AMHR2: variants seen among roughly 807,000 people sequenced by gnomAD.
AMHR2 encodes the protein anti-Mullerian hormone receptor type 2, also known as anti-Muellerian hormone type-2 receptor.
AMHR2 carries 36 observed loss-of-function variants against 61.4 expected under a neutral mutation model. The ratio of observed to expected loss-of-function variants is 0.59; its 90% CI spans 0.45 to 0.77. The LOEUF is 0.77. Among genes scored for constraint, AMHR2 ranks in the 30% least tolerant of loss-of-function variants. The probability of loss-of-function intolerance (pLI) is 0.00; values close to 1 mark genes in which losing one functional copy is unlikely to be tolerated. For missense variants in AMHR2, 638 were observed against 714.6 expected, an observed-to-expected ratio of 0.89 and a Z score of 1.22; for synonymous variants, 258 against 279.4, an observed-to-expected ratio of 0.92 and a Z score of 0.76.
chr12:53,429,444 C>A lies in AMHR2; in HGVS notation c.968-9C>A, dbSNP rs753545090. 7 of 1,610,192 alleles carry A rather than the reference C, an allele frequency of 4.3e-6. No individual in the cohort carries two copies. The highest frequency in any genetic ancestry group is 1.7e-4 in the Middle Eastern group (1 of 6,056). ...ATCCATGTTCCTTCAACCTTGGATT[C>A]CCCCACAGGCCAATATAAACCAGGT... On this transcript the variant is annotated splice_polypyrimidine_tract_variant and intron_variant, in intron 7 of 10. Coordinates refer to ENST00000257863, the MANE Select transcript of AMHR2 (RefSeq NM_020547.3).
At chr12:53,430,695 A>T (rs891548490) in intron 10 of AMHR2, 9 of 360,128 alleles carry the variant, frequency 2.5e-5, no homozygotes, top group South Asian at 2.3e-4. Flanking sequence ...TACATTGATG[A>T]TGTTTCTGCT....
In AMHR2 at chr12:53,429,893, G is replaced by A; in HGVS notation, c.1203G>A (p.Trp401Ter). 1 of 1,614,164 alleles carries A rather than the reference G, an allele frequency of 6.2e-7. No individual in the cohort carries two copies. The highest frequency in any genetic ancestry group is 8.5e-7 in the Non-Finnish European group (1 of 1,180,030). Residue 401 changes from tryptophan to a stop codon, truncating the protein, a stop_gained, in exon 9 of 11, where the codon TGG becomes TGA. Transcript: ENST00000257863. LOFTEE classifies it high-confidence loss of function. ...ACAAGACTCTGGACCTACAGGATTG[G>A]GGCATGGCCCTCCGACGAGCTGATA... ...LLDKTLDLQD[W>*]GMALRRADIY...
Position 53,429,896 on chromosome 12 carries a change from C to G in AMHR2, c.1206C>G (p.Gly402=). 1 of 1,614,222 alleles carries G rather than the reference C, an allele frequency of 6.2e-7. No individual in the cohort carries two copies. The highest frequency in any genetic ancestry group is 1.1e-5 in the South Asian group (1 of 91,084). ...AGACTCTGGACCTACAGGATTGGGG[C>G]ATGGCCCTCCGACGAGCTGATATTT... ...LDKTLDLQDW[G]MALRRADIYS... Residue 402 remains glycine, a synonymous_variant, in exon 9 of 11, where the codon GGC becomes GGG. Coordinates refer to ENST00000257863, the MANE Select transcript of AMHR2 (RefSeq NM_020547.3).
chr12:53,429,993 T>C lies in AMHR2; in HGVS notation c.1288+15T>C, dbSNP rs1253372080. On this transcript the variant is annotated intron_variant, in intron 9 of 10. Coordinates refer to ENST00000257863, the MANE Select transcript of AMHR2 (RefSeq NM_020547.3). ...TTTGAGGCCTGGTAAGGATGGGTGGTACAGTCCCCTCTCCTGGGCTCCCCC... is the reference window on the plus strand; with the variant it reads ...TTTGAGGCCTGGTAAGGATGGGTGGCACAGTCCCCTCTCCTGGGCTCCCCC... The C allele has an allele frequency of 6.2e-7, 1 of 1,614,140 alleles. No homozygotes were observed.
In AMHR2 at chr12:53,424,365, C is replaced by A. The variant is rs1565829801; in HGVS notation, c.127C>A (p.Leu43Ile). The change falls in exon 2 of 11, where the codon CTA becomes ATA. Residue 43 changes from leucine (L) to isoleucine (I), a missense_variant. Transcript: ENST00000257863. ...AAGCACAAAGACACTGGGAGAGCTG[C>A]TAGATACAGGCACAGAGCTCCCCAG... is the stretch of plus-strand genomic sequence containing the variant. Reference protein sequence around the residue: ...RGSTKTLGELLDTGTELPRAI... With the variant: ...RGSTKTLGELIDTGTELPRAI... 6.2e-7 allele frequency: 1 copy of A among 1,613,588 alleles called. No individual in the cohort carries two copies. The highest frequency in any genetic ancestry group is 1.1e-5 in the South Asian group (1 of 91,040).
Position 53,430,341 on chromosome 12 carries a change from C to T in AMHR2, c.1425+59C>T. 3 of 1,613,086 alleles carry T rather than the reference C, an allele frequency of 1.9e-6. No individual in the cohort carries two copies. In the Admixed American group the frequency reaches 5.0e-5, roughly 27 times the overall value. The stretch of plus-strand genomic sequence containing the variant: ...GAGAGTGGGGGCTGGGCATGGGCTT[C>T]AAGGACGTCTCTGCCAGAGTGTCTG... On this transcript the variant is annotated intron_variant, in intron 10 of 10. Transcript: ENST00000257863.
intron 6 of AMHR2, 139 bp downstream of exon 6, chr12:53,426,058 AG>A: frequency 1.0e-6 from 1 of 982,326 alleles, no homozygotes; most frequent in East Asian, 2.6e-5. Flanking sequence ...TGGCCAGGCG[AG>A]GTGGCCCACA....
At chr12:53,425,619 G>C (rs1219898839) in intron 5 of AMHR2, 46 bp downstream of exon 5, 2 of 1,612,802 alleles carry the variant, frequency 1.2e-6, no homozygotes, top group Non-Finnish European at 8.5e-7. Context: ...ACTCCTGGAG[G>C]TTGTGCTGGG....
intron 6 of AMHR2, among the ~76,000 whole-genome samples, chr12:53,427,843 C>T (rs1029186176): frequency 5.9e-5 from 9 of 152,308 alleles, no homozygotes; most frequent in African/African-American, 1.9e-4. Flanking sequence ...TCCTCATCAT[C>T]GTGTCTATTG....
intron 6 of AMHR2, among the ~76,000 whole-genome samples, chr12:53,427,268 C>A (rs1316810215): frequency 6.6e-6 from 1 of 152,166 alleles, no homozygotes; most frequent in Non-Finnish European, 1.5e-5. Context: ...CAATGAGCAA[C>A]AAGAAGAGGA....
In AMHR2 at chr12:53,431,316, C is replaced by T; in HGVS notation, c.1565C>T (p.Pro522Leu). Reference protein sequence around the residue: ...QESHPFPESCPRGCPPLCPED... With the variant: ...QESHPFPESCLRGCPPLCPED... ...AGCCACCCCTTTCCAGAGAGCTGTC[C>T]ACGTGGCTGCCCACCTCTCTGCCCA... Residue 522 changes from proline to leucine, a missense_variant, in exon 11 of 11, where the codon CCA becomes CTA. Transcript: ENST00000257863. The T allele has an allele frequency of 6.2e-7, 1 of 1,614,210 alleles. No individual in the cohort carries two copies. Among genetic ancestry groups the T allele is most frequent in the Non-Finnish European group, 8.5e-7 (1 of 1,180,046 alleles).
Position 53,425,803 on chromosome 12 carries a change from T to C in AMHR2, c.736T>C (p.Leu246=), listed in dbSNP as rs760877575. The stretch of plus-strand genomic sequence containing the variant: ...GGCTCAGTTCCAAGCTGAGAGAGCA[T>C]TGTACGAACTTCCAGGCCTACAGCA... ...SVAQFQAERA[L]YELPGLQHDH... is the part of the protein sequence containing the mutation. Residue 246 remains leucine (L), a synonymous_variant, in exon 6 of 11, where the codon TTG becomes CTG. Transcript: ENST00000257863. 5 of 1,614,002 alleles carry C rather than the reference T, an allele frequency of 3.1e-6. No individual in the cohort carries two copies. The highest frequency in any genetic ancestry group is 3.3e-5 in the Admixed American group (2 of 60,000).
Position 53,425,242 on chromosome 12 carries a change from G to C in AMHR2, c.502G>C (p.Ala168Pro), listed in dbSNP as rs374601719. 1 of 1,613,308 alleles carries C rather than the reference G, an allele frequency of 6.2e-7. No homozygotes were observed. The highest frequency in any genetic ancestry group is 8.5e-7 in the Non-Finnish European group (1 of 1,179,982). The change falls in exon 4 of 11, where the codon GCC becomes CCC. Residue 168 changes from alanine to proline, a missense_variant and splice_region_variant. Ala to Pro is a conservative substitution (Grantham distance 27, BLOSUM62 -1). Transcript: ENST00000257863. ...LLLLLGSIIL[A>P]LLQRKNYRVR... ...GCTGCTGCTGGGCAGCATCATCTTG[G>C]GTACTAATCCACCCCATCCCTCCCT... is the stretch of plus-strand genomic sequence containing the variant.
intron 10 of AMHR2, chr12:53,430,596 T>G (rs1288648085): frequency 2.1e-6 from 1 of 477,700 alleles, no homozygotes; most frequent in Non-Finnish European, 3.9e-6. Context: ...AAGCCCTCCT[T>G]GGCTTTGCTC....
At chr12:53,425,316 C>T (rs529627721) in intron 4 of AMHR2, 74 bp downstream of exon 4, 1 of 1,608,304 alleles carries the variant, frequency 6.2e-7, no homozygotes, top group Non-Finnish European at 8.5e-7. Flanking sequence ...CTCCAGGCAC[C>T]CCTGACCCCA....
chr12:53,425,069 TG>T (rs1939434930), intron 3 of AMHR2, 95 bp from the exon 4 acceptor site: 4 of 1,595,934 alleles, frequency 2.5e-6, no homozygotes, highest in Non-Finnish European at 2.6e-6. Context: ...GTGACCAGGG[TG>T]GGGGTGGGTT....
Position 53,425,568 on chromosome 12 carries a change from T to G in AMHR2, c.616T>G (p.Ser206Ala), listed in dbSNP as rs1425062469. 1 of 1,613,900 alleles carries G rather than the reference T, an allele frequency of 6.2e-7. No homozygotes were observed. Residue 206 changes from serine (S) to alanine (A), a missense_variant, in exon 5 of 11, where the codon TCC (serine) becomes GCC (alanine). Transcript: ENST00000257863. ...GCAGGAGCTGCCTGAGCTGTGTTTC[T>G]CCCAGGTGCCCCAGGGAGGGAGAGA... ...ELQELPELCF[S>A]QVIREGGHAV...
At chr12:53,427,759 T>C (rs1366376097) in intron 6 of AMHR2, among the ~76,000 whole-genome samples, 1 of 152,176 alleles carries the variant, frequency 6.6e-6, no homozygotes, top group Non-Finnish European at 1.5e-5. Context: ...CATTATGAGA[T>C]AGGAATGATT....
intron 8 of AMHR2, 72 bp downstream of exon 8, chr12:53,429,697 G>A: frequency 6.2e-7 from 1 of 1,600,756 alleles, no homozygotes; most frequent in South Asian, 1.1e-5. Context: ...GCCATTGTGT[G>A]TCAACAGTTG....
Sources: gnomAD v4.1 joint callset for allele counts (sites outside exome capture counted in the v4.1 genomes callset) on GRCh38, gnomAD v4.1.1 for gene constraint, MANE v1.5 for transcripts, NCBI Gene and HGNC (gene_info 2026-07-23, HGNC 2026-07-21) for gene names.